Variants in KIAA1217 observed in about 807,000 individuals in gnomAD.
The protein encoded by KIAA1217 is sickle tail protein homolog.
Under a neutral mutation model 163.9 loss-of-function variants are expected in KIAA1217, and 88 were observed. The observed-to-expected ratio is 0.54, with a 90% CI of 0.45 to 0.64. The LOEUF is 0.64. KIAA1217 is among the 30% of genes least tolerant of loss of function. KIAA1217 has a pLI of 0.00. For synonymous variants in KIAA1217, 903 were observed against 923.1 expected, an observed-to-expected ratio of 0.98 and a Z score of 0.39; for missense variants, 2,372 against 2,475.0, an observed-to-expected ratio of 0.96 and a Z score of 0.88.
At chr10:24,158,598 A>G in intron 2 of KIAA1217, 1 of 507,560 alleles carries the variant, frequency 2.0e-6, no homozygotes, top group Non-Finnish European at 4.0e-6. Context: ...GACGTGCTTT[A>G]TCATCTCCAT....
chr10:24,305,102 G>T (rs564232241), intron 2 of KIAA1217, among the ~76,000 whole-genome samples: 1 of 152,276 alleles, frequency 6.6e-6, no homozygotes, highest in East Asian at 1.9e-4. Context: ...GCCTTGACTG[G>T]AACACATTTA....
At chr10:24,111,223 T>A (rs2131743541) in intron 2 of KIAA1217, among the ~76,000 whole-genome samples, 1 of 152,338 alleles carries the variant, frequency 6.6e-6, no homozygotes, top group Non-Finnish European at 1.5e-5. Context: ...TGGCTATGGA[T>A]AACCCAACTG....
At chr10:24,467,804 G>T (rs1175753190) in intron 5 of KIAA1217, among the ~76,000 whole-genome samples, 1 of 137,696 alleles carries the variant, frequency 7.3e-6, no homozygotes, top group Non-Finnish European at 1.5e-5. Flanking sequence ...GTATGTGTAT[G>T]TGTGTGTGTA....
chr10:23,926,644 G>A (rs545847292), intron 1 of KIAA1217, among the ~76,000 whole-genome samples: 5 of 152,094 alleles, frequency 3.3e-5, no homozygotes, highest in African/African-American at 9.6e-5. Context: ...AGAATTGCTT[G>A]AACCCGGGAG....
At chr10:24,221,896 G>T (rs1168076854) in intron 2 of KIAA1217, among the ~76,000 whole-genome samples, 1 of 152,146 alleles carries the variant, frequency 6.6e-6, no homozygotes, top group Non-Finnish European at 1.5e-5. Context: ...AATTAACTGG[G>T]TGTGGTGGCA....
chr10:24,477,400 T>A (rs975245975), intron 6 of KIAA1217, among the ~76,000 whole-genome samples: 1 of 152,196 alleles, frequency 6.6e-6, no homozygotes, highest in African/African-American at 2.4e-5. Context: ...ACAAAGCCAG[T>A]AGGTGGCATA....
At chr10:24,493,815 T>A (rs897006629) in intron 6 of KIAA1217, among the ~76,000 whole-genome samples, 14 of 152,326 alleles carry the variant, frequency 9.2e-5, no homozygotes, top group Admixed American at 9.1e-4. Context: ...TTGCCCAGTC[T>A]GTAGTTCACT....
intron 17 of KIAA1217, among the ~76,000 whole-genome samples, chr10:24,537,260 C>A (rs532997403): frequency 2.0e-5 from 3 of 152,014 alleles, no homozygotes; most frequent in African/African-American, 7.2e-5. Context: ...AAAAGAAAAA[C>A]AACTATATAT....
intron 2 of KIAA1217, among the ~76,000 whole-genome samples, chr10:24,090,163 TC>T (rs140512436): frequency 1.2e-3 from 162 of 133,390 alleles, no homozygotes; most frequent in African/African-American, 5.0e-3. Flanking sequence ...TTTTTCTTTT[TC>T]TTTTTTTTTT....
intron 2 of KIAA1217, among the ~76,000 whole-genome samples, chr10:24,055,930 G>A (rs1274021073): frequency 6.6e-6 from 1 of 150,852 alleles, no homozygotes; most frequent in African/African-American, 2.4e-5. Flanking sequence ...TGCCCTTGCA[G>A]AAGGCTAAAG....
At chr10:24,143,733 C>G (rs913901314) in intron 2 of KIAA1217, among the ~76,000 whole-genome samples, 69 of 151,846 alleles carry the variant, frequency 4.5e-4, no homozygotes, top group African/African-American at 1.7e-3. Context: ...CTGGTCACCA[C>G]TGAGACAGGG....
chr10:24,356,429 C>T (rs1220548892), intron 2 of KIAA1217, among the ~76,000 whole-genome samples: 3 of 152,222 alleles, frequency 2.0e-5, no homozygotes, highest in Admixed American at 6.5e-5. Flanking sequence ...GCACTTAGAG[C>T]TCCTGCCCAT....
intron 1 of KIAA1217, among the ~76,000 whole-genome samples, chr10:23,758,199 T>C (rs913665222): frequency 1.3e-5 from 2 of 152,216 alleles, no homozygotes; most frequent in East Asian, 3.9e-4. Flanking sequence ...CTATTACATT[T>C]AGGTCTTTGA....
At chr10:24,177,799 T>C (rs893619761) in intron 2 of KIAA1217, among the ~76,000 whole-genome samples, 28 of 152,160 alleles carry the variant, frequency 1.8e-4, no homozygotes, top group African/African-American at 6.8e-4. Context: ...GACCATTACA[T>C]CTCTCAGAAA....
At chr10:23,931,567 C>T (rs542499424) in intron 1 of KIAA1217, among the ~76,000 whole-genome samples, 1 of 152,246 alleles carries the variant, frequency 6.6e-6, no homozygotes, top group South Asian at 2.1e-4. Context: ...CTGCACCCTC[C>T]CAATGCCTGA....
intron 1 of KIAA1217, among the ~76,000 whole-genome samples, chr10:23,993,501 C>G (rs1397516592): frequency 6.7e-6 from 1 of 150,304 alleles, no homozygotes; most frequent in East Asian, 1.9e-4. Flanking sequence ...AGGAGATTAT[C>G]CAACTCTTTC....
At chr10:23,828,058 T>C (rs1837985729) in intron 1 of KIAA1217, among the ~76,000 whole-genome samples, 1 of 152,146 alleles carries the variant, frequency 6.6e-6, no homozygotes, top group Non-Finnish European at 1.5e-5. Flanking sequence ...TTAAGCTAAT[T>C]AACGCTTATT....
intron 1 of KIAA1217, among the ~76,000 whole-genome samples, chr10:23,964,622 C>A (rs912644760): frequency 6.6e-5 from 10 of 151,902 alleles, no homozygotes; most frequent in Non-Finnish European, 1.3e-4. Flanking sequence ...GTGGCACCAT[C>A]TCGGCTCACT....
At chr10:23,921,008 G>A (rs1278658157) in intron 1 of KIAA1217, among the ~76,000 whole-genome samples, 2 of 152,138 alleles carry the variant, frequency 1.3e-5, no homozygotes, top group Non-Finnish European at 2.9e-5. Flanking sequence ...TGCCATGATT[G>A]TGAAGCCTCC....
Sources: allele counts gnomAD v4.1 joint callset (sites outside exome capture counted in the v4.1 genomes callset), GRCh38; gene constraint gnomAD v4.1.1; transcripts MANE v1.5; gene names NCBI Gene and HGNC (gene_info 2026-07-23, HGNC 2026-07-21).